The following SPAG9 variants were observed in gnomAD, a reference collection of about 807,000 sequenced individuals.
The protein encoded by SPAG9 is C-Jun-amino-terminal kinase-interacting protein 4.
In SPAG9, 35 loss-of-function variants were observed where a neutral mutation model predicts 166.5. The observed-to-expected ratio is 0.21, with a 90% confidence interval of 0.16 to 0.28. The LOEUF (loss-of-function observed/expected upper bound fraction) is 0.28. Among genes scored for constraint, SPAG9 ranks in the 10% least tolerant of loss-of-function variants. The probability of loss-of-function intolerance (pLI) is 1.00; values close to 1 mark genes in which losing one functional copy is unlikely to be tolerated. For synonymous variants in SPAG9, 534 were observed against 565.5 expected, an observed-to-expected ratio of 0.94 and a Z score of 0.79; for missense variants, 1,235 against 1,603.3, an observed-to-expected ratio of 0.77 and a Z score of 3.92.
In SPAG9 at chr17:51,021,274, G is replaced by T; in HGVS notation, c.875C>A (p.Thr292Asn). ...TCCTTCGTTTTCTTCCTTTAAGGGA[G>T]TATCAGTAGGAATTGTTGCCACATC... The part of the protein sequence containing the change: ...NSDVATIPTD[T>N]PLKEENEGFV... Residue 292 changes from threonine (T) to asparagine (N), a missense_variant, in exon 7 of 30, where the codon ACT becomes AAT. By Grantham distance (65) the Thr-to-Asn change is moderately conservative (BLOSUM62 0). Around this residue, in one of 6 missense-constraint regions of SPAG9, gnomAD observed 288 missense variants for 323.7 expected, o/e 0.89. Transcript: ENST00000262013. The T allele has an allele frequency of 6.2e-7, 1 of 1,614,054 alleles. No homozygotes were observed. The highest frequency in any genetic ancestry group is 8.5e-7 in the Non-Finnish European group (1 of 1,179,938).
intron 3 of SPAG9, among the ~76,000 whole-genome samples, chr17:51,050,382 T>C (rs1485121430): frequency 6.6e-6 from 1 of 152,336 alleles, no homozygotes; most frequent in East Asian, 1.9e-4. Context: ...ATCCTCACCA[T>C]ATCATGATTT....
intron 27 of SPAG9, chr17:50,975,875 G>GT: frequency 6.5e-7 from 1 of 1,535,830 alleles, no homozygotes; most frequent in Non-Finnish European, 8.7e-7. Flanking sequence ...CTCAGCCCCA[G>GT]TAAACGTCCC....
At chr17:50,972,663 C>A (rs1431509111) in intron 28 of SPAG9, among the ~76,000 whole-genome samples, 1 of 152,220 alleles carries the variant, frequency 6.6e-6, no homozygotes, top group Admixed American at 6.5e-5. Context: ...AGCTGGACAG[C>A]CATTAATGCG....
chr17:51,007,180 C>T, intron 10 of SPAG9, 89 bp downstream of exon 10: 2 of 663,654 alleles, frequency 3.0e-6, no homozygotes, highest in Admixed American at 2.5e-5. Context: ...AGGGAGATTC[C>T]ATTAGTATTA....
intron 22 of SPAG9, among the ~76,000 whole-genome samples, chr17:50,986,742 A>C (rs1975078543): frequency 6.6e-6 from 1 of 152,176 alleles, no homozygotes; most frequent in African/African-American, 2.4e-5. Context: ...CCTGCAGCCA[A>C]AATGTTGGTT....
chr17:50,981,510 AT>A (rs1326700599), intron 25 of SPAG9, among the ~76,000 whole-genome samples: 1 of 150,514 alleles, frequency 6.6e-6, no homozygotes, highest in Admixed American at 6.6e-5. Flanking sequence ...AGATAGATAG[AT>A]AGATAGATAG....
rs1307482411 is a variant in SPAG9, at chr17:50,964,835, C to T, written c.*1437G>A. ...TGGTGCTATCAAGGCTCACTGCAAC[C>T]TCCACCTCCTGGGCCCAGGTCATCC... On this transcript the variant is annotated 3_prime_UTR_variant, in exon 30 of 30. Coordinates refer to ENST00000262013, the MANE Select transcript of SPAG9 (RefSeq NM_001130528.3). The T allele has an allele frequency of 3.0e-6, 1 of 335,218 alleles. No homozygotes were observed. Among genetic ancestry groups the T allele is most frequent in the Non-Finnish European group, 6.3e-6 (1 of 159,188 alleles). 20.8% of individuals were successfully genotyped at this position (335,218 alleles called of 1,614,324 possible).
intron 21 of SPAG9, 120 bp downstream of exon 21, chr17:50,989,557 T>G: frequency 1.3e-6 from 1 of 799,988 alleles, no homozygotes; most frequent in African/African-American, 1.7e-5. Context: ...AGAATAGGTA[T>G]CTTTTAATCC....
At chr17:51,042,727 A>C (rs2046885110) in intron 4 of SPAG9, among the ~76,000 whole-genome samples, 1 of 152,236 alleles carries the variant, frequency 6.6e-6, no homozygotes, top group African/African-American at 2.4e-5. Flanking sequence ...CATTCCTAAC[A>C]ATCTAAAAGG....
Position 50,998,529 on chromosome 17 carries a change from C to T in SPAG9, c.1753G>A (p.Val585Ile), listed in dbSNP as rs756069410. ...CTTCTTTTCTTGACGGACGGAGTAA[C>T]ATGAGACGTGGGTGCATTGTACTTC... ...NLKYNAPTSH[V>I]TPSVKKRSST... Residue 585 changes from valine (V) to isoleucine (I), a missense_variant, in exon 15 of 30, where the codon GTT becomes ATT. Physicochemically the swap from Val to Ile is conservative, Grantham distance 29. Around this residue, in one of 6 missense-constraint regions of SPAG9, gnomAD observed 493 missense variants for 559.4 expected, o/e 0.88. Coordinates refer to ENST00000262013, the MANE Select transcript of SPAG9 (RefSeq NM_001130528.3). 2.5e-6 allele frequency: 4 copies of T among 1,614,022 alleles called. No homozygotes were observed. The African/African-American group carries it at 4.0e-5, about 16-fold the overall frequency.
chr17:51,071,434 A>T (rs2047816974), intron 2 of SPAG9, among the ~76,000 whole-genome samples: 1 of 152,196 alleles, frequency 6.6e-6, no homozygotes, highest in African/African-American at 2.4e-5. Context: ...GGTTCATAAG[A>T]TATTAACAGG....
At position 51,001,780 on chromosome 17, in the gene SPAG9, C is replaced by T; in HGVS notation, c.1542G>A (p.Glu514=). 1 of 1,613,794 alleles carries T rather than the reference C, an allele frequency of 6.2e-7. No individual in the cohort carries two copies. The highest frequency in any genetic ancestry group is 1.7e-4 in the Middle Eastern group (1 of 6,058). ...TRVEMARVLM[E]RNQYKERLME... is the part of the protein sequence containing the mutation. The stretch of plus-strand genomic sequence containing the variant: ...TCAATCTCTCTTTATACTGGTTTCG[C>T]TCCATGAGAACACGGGCCATTTCTA... The change falls in exon 13 of 30, where the codon GAG becomes GAA. Residue 514 remains glutamate, a synonymous_variant. Transcript: ENST00000262013.
intron 1 of SPAG9, among the ~76,000 whole-genome samples, chr17:51,117,070 A>T (rs934493866): frequency 3.9e-5 from 6 of 152,196 alleles, no homozygotes; most frequent in African/African-American, 1.2e-4. Flanking sequence ...ATCTAAAATT[A>T]GCCCTTCTTT....
intron 1 of SPAG9, among the ~76,000 whole-genome samples, chr17:51,081,261 T>C (rs2048154811): frequency 6.6e-6 from 1 of 151,942 alleles, no homozygotes; most frequent in Non-Finnish European, 1.5e-5. Flanking sequence ...AGCCAGCCTG[T>C]CCAACATGGT....
chr17:51,090,841 T>C (rs1259054933), intron 1 of SPAG9, among the ~76,000 whole-genome samples: 1 of 152,216 alleles, frequency 6.6e-6, no homozygotes, highest in African/African-American at 2.4e-5. Context: ...TATAACATGA[T>C]TTCTGAAGAC....
rs373277751 is a variant in SPAG9 at position 50,996,604 on chromosome 17, C to A, written c.1929G>T (p.Val643=). Reference sequence around the variant, plus strand: ...GAGGCAGACTCCAGCCAAAAGCCTGCACTCTACCGTCTTCCTTCTGAACAT... The same window carrying A: ...GAGGCAGACTCCAGCCAAAAGCCTGAACTCTACCGTCTTCCTTCTGAACAT... ...KAHVQKEDGR[V]QAFGWSLPQK... is the part of the protein sequence containing the mutation. The change falls in exon 16 of 30, where the codon GTG becomes GTT. Residue 643 remains valine (V), a synonymous_variant. Transcript: ENST00000262013. 1 of 1,614,182 alleles carries A rather than the reference C, an allele frequency of 6.2e-7. No individual in the cohort carries two copies. Among genetic ancestry groups the A allele is most frequent in the South Asian group, 1.1e-5 (1 of 91,080 alleles).
intron 1 of SPAG9, among the ~76,000 whole-genome samples, chr17:51,116,912 T>C (rs992305218): frequency 6.6e-6 from 1 of 152,208 alleles, no homozygotes; most frequent in African/African-American, 2.4e-5. Context: ...TGTAAAATTC[T>C]AAGGAGAGCA....
intron 12 of SPAG9, among the ~76,000 whole-genome samples, chr17:51,004,947 G>A (rs544605101): frequency 6.6e-6 from 1 of 152,186 alleles, no homozygotes; most frequent in South Asian, 2.1e-4. Flanking sequence ...ACCCCAAAAT[G>A]TCCCAGTTGG....
chr17:51,094,085 A>G (rs1009517674), intron 1 of SPAG9, among the ~76,000 whole-genome samples: 1 of 152,132 alleles, frequency 6.6e-6, no homozygotes, highest in Non-Finnish European at 1.5e-5. Context: ...ATCTAGGCTT[A>G]CCTACCACTC....
Sources: allele counts gnomAD v4.1 joint callset (sites outside exome capture counted in the v4.1 genomes callset), GRCh38; gene constraint gnomAD v4.1.1; regional missense constraint gnomAD v4.1.1; transcripts MANE v1.5; gene names NCBI Gene and HGNC (gene_info 2026-07-23, HGNC 2026-07-21).